The following ASCC3 variants were observed in gnomAD, a reference collection of about 807,000 sequenced individuals.
The protein encoded by ASCC3 is activating signal cointegrator 1 complex subunit 3.
In ASCC3, 158 loss-of-function variants were observed where a neutral mutation model predicts 256.3. That is an observed-to-expected ratio of 0.62 (90% confidence interval 0.54 to 0.70). The LOEUF is 0.70. Ranked by LOEUF, ASCC3 falls within the 30% of genes least tolerant of loss-of-function variation. The pLI is 0.00. For synonymous variants in ASCC3, 948 were observed against 883.4 expected (o/e 1.07, Z -1.30); for missense variants, 2,259 against 2,626.0 (o/e 0.86, Z 3.05).
intron 10 of ASCC3, 87 bp downstream of exon 10, chr6:100,766,478 G>A (rs1408940607): frequency 7.6e-7 from 1 of 1,313,422 alleles, no homozygotes. Flanking sequence ...ATGTATTCTA[G>A]TTATTTAAGA....
chr6:100,714,980 A>C (rs1378572371), intron 13 of ASCC3: 1 of 152,904 alleles, frequency 6.5e-6, no homozygotes, highest in Non-Finnish European at 1.5e-5. Flanking sequence ...CATTGTTTTA[A>C]GAAATGACAT....
At chr6:100,792,732 A>C (rs749915860) in intron 8 of ASCC3, among the ~76,000 whole-genome samples, 8 of 151,974 alleles carry the variant, frequency 5.3e-5, no homozygotes, top group Non-Finnish European at 1.2e-4. Context: ...TTTATTCAGC[A>C]TGTCCTAAAC....
intron 36 of ASCC3, among the ~76,000 whole-genome samples, chr6:100,542,331 C>A (rs769159244): frequency 6.6e-6 from 1 of 152,168 alleles, no homozygotes; most frequent in Non-Finnish European, 1.5e-5. Flanking sequence ...CCAGGTTTCT[C>A]ATCAGAAATA....
intron 36 of ASCC3, among the ~76,000 whole-genome samples, chr6:100,567,975 C>T (rs971875015): frequency 5.9e-5 from 9 of 152,184 alleles, no homozygotes; most frequent in African/African-American, 1.9e-4. Context: ...AAACTGCTTT[C>T]CACAGTGGCT....
At chr6:100,664,356 A>G (rs1332061637) in intron 14 of ASCC3, among the ~76,000 whole-genome samples, 1 of 152,094 alleles carries the variant, frequency 6.6e-6, no homozygotes, top group Non-Finnish European at 1.5e-5. Context: ...TTAAACTTCT[A>G]AGTTAATAAT....
At chr6:100,646,901 A>G (rs1775409103) in intron 21 of ASCC3, 132 bp from the exon 22 acceptor site, 6 of 955,034 alleles carry the variant, frequency 6.3e-6, no homozygotes, top group Middle Eastern at 3.1e-4. Flanking sequence ...AATAGCTGAC[A>G]TTCTTGACCT....
At chr6:100,629,761 C>T (rs1774440123) in intron 26 of ASCC3, among the ~76,000 whole-genome samples, 2 of 151,948 alleles carry the variant, frequency 1.3e-5, no homozygotes, top group African/African-American at 4.8e-5. Flanking sequence ...TCATTATAAG[C>T]AGATCACAGT....
chr6:100,535,861 A>G (rs956492542), intron 37 of ASCC3, among the ~76,000 whole-genome samples: 28 of 152,228 alleles, frequency 1.8e-4, no homozygotes, highest in African/African-American at 6.5e-4. Context: ...ACGAATGCTT[A>G]TAACTTAAAA....
intron 10 of ASCC3, among the ~76,000 whole-genome samples, chr6:100,758,321 A>G (rs577086512): frequency 0.013 from 1,912 of 152,282 alleles, 44 homozygotes; most frequent in African/African-American, 0.045. Flanking sequence ...TATGTGTGCC[A>G]CGGTGGTTTC....
In ASCC3 at chr6:100,581,480, T is replaced by C. The variant is rs529347432; in HGVS notation, c.5550+8154A>G. Among the ~76,000 whole-genome samples, 192 of 152,304 alleles carry C rather than the reference T, an allele frequency of 1.3e-3. 1 individual carries two copies. The highest frequency in any genetic ancestry group is 4.6e-3 in the African/African-American group (190 of 41,560). On this transcript the variant is annotated intron_variant, in intron 36 of 41. Coordinates refer to ENST00000369162, the MANE Select transcript of ASCC3 (RefSeq NM_006828.4). ...TTAAGTTCATTGTAGATTCTGGATA[T>C]TAGCCTTTTGTCAGATGAGTAGGTT...
chr6:100,735,274 T>C (rs1490725761), intron 10 of ASCC3, among the ~76,000 whole-genome samples: 3 of 152,194 alleles, frequency 2.0e-5, no homozygotes, highest in Non-Finnish European at 4.4e-5. Flanking sequence ...CCCGATTTCA[T>C]TTAAGGAAAT....
intron 36 of ASCC3, among the ~76,000 whole-genome samples, chr6:100,578,590 T>G (rs1188220493): frequency 2.0e-5 from 3 of 152,100 alleles, no homozygotes. Context: ...GCAAAGAATA[T>G]GATTTCATTC....
chr6:100,766,073 C>T (rs867269872), intron 10 of ASCC3, among the ~76,000 whole-genome samples: 2 of 152,040 alleles, frequency 1.3e-5, no homozygotes, highest in East Asian at 1.9e-4. Flanking sequence ...TCTTTATTGT[C>T]AGGTATTCAT....
intron 36 of ASCC3, among the ~76,000 whole-genome samples, chr6:100,546,806 A>G (rs761738921): frequency 6.6e-6 from 1 of 152,150 alleles, no homozygotes; most frequent in Non-Finnish European, 1.5e-5. Flanking sequence ...ACACAAATAA[A>G]AATGGAAAAA....
At chr6:100,706,568 G>T (rs1266491207) in intron 13 of ASCC3, among the ~76,000 whole-genome samples, 1 of 151,852 alleles carries the variant, frequency 6.6e-6, no homozygotes, top group African/African-American at 2.4e-5. Context: ...CAACTTTATT[G>T]AAATAGGTAT....
At position 100,573,384 on chromosome 6, in the gene ASCC3, C is replaced by T. The variant is rs116962094; in HGVS notation, c.5550+16250G>A. ...TCATAGTGATTTCTGAATTGCCCCA[C>T]CTGCTGGACCAAAGAGACCCTAACA... is the stretch of plus-strand genomic sequence containing the variant. On this transcript the variant is annotated intron_variant, in intron 36 of 41. Coordinates refer to ENST00000369162, the MANE Select transcript of ASCC3 (RefSeq NM_006828.4). 1.6e-3 allele frequency among the ~76,000 whole-genome samples: 244 copies of T among 152,172 alleles called. 10 individuals carry two copies. In the East Asian group the frequency reaches 0.044, roughly 28 times the overall value.
intron 4 of ASCC3, among the ~76,000 whole-genome samples, chr6:100,831,590 G>GA (rs1187405049): frequency 6.6e-6 from 1 of 151,812 alleles, no homozygotes; most frequent in Non-Finnish European, 1.5e-5. Flanking sequence ...CTGCGTTCAT[G>GA]AAAAAAAAGT....
At chr6:100,760,743 G>C (rs1453066130) in intron 10 of ASCC3, among the ~76,000 whole-genome samples, 1 of 152,144 alleles carries the variant, frequency 6.6e-6, no homozygotes, top group Non-Finnish European at 1.5e-5. Flanking sequence ...TAAAGAATCA[G>C]TGGCGTCAAA....
intron 3 of ASCC3, 121 bp downstream of exon 3, chr6:100,863,943 T>C: frequency 1.1e-6 from 1 of 952,102 alleles, no homozygotes; most frequent in Non-Finnish European, 1.5e-6. Context: ...TTCATAATTA[T>C]GAATACTTAG....
Sources: gnomAD v4.1 joint callset for allele counts (sites outside exome capture counted in the v4.1 genomes callset) on GRCh38, gnomAD v4.1.1 for gene constraint, MANE v1.5 for transcripts, NCBI Gene and HGNC (gene_info 2026-07-23, HGNC 2026-07-21) for gene names.